ARHGAP20: variants seen among roughly 807,000 people sequenced by gnomAD.
The protein encoded by ARHGAP20 is Rho GTPase activating protein 20.
A neutral mutation model predicts 73.7 loss-of-function variants in ARHGAP20; 34 were observed. That is an observed-to-expected ratio of 0.46 (90% CI 0.35 to 0.61). The LOEUF is 0.61. Among genes scored for constraint, ARHGAP20 ranks in the 20% least tolerant of loss-of-function variants. The probability of loss-of-function intolerance (pLI) is 0.00; values close to 1 mark genes in which losing one functional copy is unlikely to be tolerated. For synonymous variants in ARHGAP20, 523 were observed against 518.2 expected (o/e 1.01, Z -0.13); for missense variants, 1,314 against 1,420.9 (o/e 0.92, Z 1.21).
chr11:110,684,606 G>A (rs770434769), intron 2 of ARHGAP20, among the ~76,000 whole-genome samples: 2 of 152,026 alleles, frequency 1.3e-5, no homozygotes, highest in Non-Finnish European at 2.9e-5. Flanking sequence ...TTATCAAAAA[G>A]ACTGCACTCT....
At chr11:110,593,407 T>TA (rs1013653691) in intron 9 of ARHGAP20, among the ~76,000 whole-genome samples, 3 of 152,144 alleles carry the variant, frequency 2.0e-5, no homozygotes, top group South Asian at 2.1e-4. Flanking sequence ...TCCCAACAGA[T>TA]ACACACAAGT....
chr11:110,588,693 T>A (rs1022516484), intron 11 of ARHGAP20, among the ~76,000 whole-genome samples: 1 of 152,216 alleles, frequency 6.6e-6, no homozygotes, highest in Non-Finnish European at 1.5e-5. Context: ...TCTAGAACCA[T>A]GCTTCTTTGC....
chr11:110,618,560 T>C (rs1353601771), intron 4 of ARHGAP20, among the ~76,000 whole-genome samples: 1 of 152,196 alleles, frequency 6.6e-6, no homozygotes, highest in Non-Finnish European at 1.5e-5. Flanking sequence ...TGATAGAGTA[T>C]ATGTAGTGAT....
intron 2 of ARHGAP20, among the ~76,000 whole-genome samples, chr11:110,648,152 A>G (rs924706109): frequency 1.7e-5 from 2 of 120,384 alleles, no homozygotes; most frequent in Non-Finnish European, 3.5e-5. Flanking sequence ...AGTGATATAT[A>G]TAATATATAT....
At chr11:110,620,176 T>C (rs1285434257) in intron 4 of ARHGAP20, among the ~76,000 whole-genome samples, 1 of 151,982 alleles carries the variant, frequency 6.6e-6, no homozygotes, top group African/African-American at 2.4e-5. Context: ...AGACTACAGA[T>C]GGGTACCACC....
intron 2 of ARHGAP20, among the ~76,000 whole-genome samples, chr11:110,683,539 A>T (rs957497150): frequency 6.6e-6 from 1 of 152,194 alleles, no homozygotes; most frequent in East Asian, 1.9e-4. Context: ...CTGAACAGCA[A>T]GTATGTACAA....
intron 9 of ARHGAP20, among the ~76,000 whole-genome samples, chr11:110,604,647 T>C (rs1948182456): frequency 6.6e-6 from 1 of 152,178 alleles, no homozygotes; most frequent in South Asian, 2.1e-4. Context: ...AAGACCATGA[T>C]ATCTCAGTGT....
intron 2 of ARHGAP20, among the ~76,000 whole-genome samples, chr11:110,657,453 G>T (rs1350964018): frequency 6.6e-6 from 1 of 152,020 alleles, no homozygotes; most frequent in Admixed American, 6.6e-5. Context: ...GTGGGGAGTG[G>T]GAGAAGCTTG....
At chr11:110,616,417 G>C (rs1208437339) in intron 4 of ARHGAP20, among the ~76,000 whole-genome samples, 1 of 151,940 alleles carries the variant, frequency 6.6e-6, no homozygotes, top group Non-Finnish European at 1.5e-5. Flanking sequence ...CTGTTGCCTG[G>C]GCTGGAGTAT....
At chr11:110,627,058 A>G (rs976385699) in intron 3 of ARHGAP20, among the ~76,000 whole-genome samples, 19 of 152,024 alleles carry the variant, frequency 1.2e-4, no homozygotes, top group Middle Eastern at 6.8e-3. Flanking sequence ...GTGTGAATCC[A>G]ATATAAACAG....
intron 4 of ARHGAP20, among the ~76,000 whole-genome samples, chr11:110,622,330 T>C (rs576492786): frequency 6.6e-6 from 1 of 152,290 alleles, no homozygotes; most frequent in East Asian, 1.9e-4. Flanking sequence ...TCCTCAACAC[T>C]TCACTTTTTT....
At chr11:110,706,273 G>T (rs1950551434) in intron 1 of ARHGAP20, among the ~76,000 whole-genome samples, 1 of 152,118 alleles carries the variant, frequency 6.6e-6, no homozygotes, top group Admixed American at 6.5e-5. Flanking sequence ...GGAAGAACTG[G>T]ATTCAAATTC....
intron 1 of ARHGAP20, among the ~76,000 whole-genome samples, chr11:110,695,058 C>T (rs1018486364): frequency 1.3e-5 from 2 of 151,616 alleles, no homozygotes; most frequent in African/African-American, 4.8e-5. Context: ...ACACTTATCA[C>T]TTTGAGCTAC....
intron 14 of ARHGAP20, among the ~76,000 whole-genome samples, chr11:110,581,705 C>T (rs10736450): frequency 0.79 from 119,366 of 152,042 alleles, 47,707 homozygotes; most frequent in Middle Eastern, 0.9. Context: ...ACATTATTTT[C>T]ATCCACATTT....
At chr11:110,626,102 A>C (rs1341967136) in intron 3 of ARHGAP20, among the ~76,000 whole-genome samples, 7 of 152,180 alleles carry the variant, frequency 4.6e-5, no homozygotes, top group African/African-American at 1.7e-4. Flanking sequence ...GAATCTTTAG[A>C]TTTTTAAAAT....
intron 2 of ARHGAP20, among the ~76,000 whole-genome samples, chr11:110,687,732 C>T (rs1050362648): frequency 2.6e-5 from 4 of 151,878 alleles, no homozygotes; most frequent in Admixed American, 6.6e-5. Context: ...AACACTCTAA[C>T]GGTAACATAA....
chr11:110,668,195 T>C (rs1342047158), intron 2 of ARHGAP20, among the ~76,000 whole-genome samples: 1 of 152,154 alleles, frequency 6.6e-6, no homozygotes, highest in Non-Finnish European at 1.5e-5. Context: ...TTTCAAGAAA[T>C]TGCCACAGCC....
intron 3 of ARHGAP20, among the ~76,000 whole-genome samples, chr11:110,626,081 C>T (rs1265981101): frequency 1.3e-5 from 2 of 152,102 alleles, no homozygotes; most frequent in Non-Finnish European, 2.9e-5. Context: ...TATTTTCCAC[C>T]CTATTGTTAT....
chr11:110,689,599 T>C (rs1950203218), intron 2 of ARHGAP20, among the ~76,000 whole-genome samples: 1 of 152,148 alleles, frequency 6.6e-6, no homozygotes, highest in Non-Finnish European at 1.5e-5. Flanking sequence ...TATTGAAATG[T>C]TACAGTAGGT....
Sources: allele counts gnomAD v4.1 joint callset (sites outside exome capture counted in the v4.1 genomes callset), GRCh38; gene constraint gnomAD v4.1.1; transcripts MANE v1.5; gene names NCBI Gene and HGNC (gene_info 2026-07-23, HGNC 2026-07-21).